KRCC1: variants seen among roughly 807,000 people sequenced by gnomAD.
The protein encoded by KRCC1 is lysine-rich coiled-coil protein 1.
KRCC1 carries 3 observed loss-of-function variants against 7.4 expected under a neutral mutation model. The observed-to-expected ratio is 0.40, with a 90% CI of 0.18 to 1.04. The LOEUF is 1.04. Among genes scored for constraint, KRCC1 ranks in the 50% least tolerant of loss-of-function variants. The pLI is 0.33. For synonymous variants in KRCC1, 102 were observed against 101.6 expected (o/e 1.00, Z -0.02); for missense variants, 277 against 300.9 (o/e 0.92, Z 0.59).
At chr2:88,041,475 C>T (rs1673209338) in intron 1 of KRCC1, among the ~76,000 whole-genome samples, 1 of 152,188 alleles carries the variant, frequency 6.6e-6, no homozygotes, top group Non-Finnish European at 1.5e-5. Flanking sequence ...CTTTCCTGTT[C>T]CATTCTTCTA....
chr2:88,047,903 T>G (rs774438165), intron 1 of KRCC1, among the ~76,000 whole-genome samples: 1 of 152,204 alleles, frequency 6.6e-6, no homozygotes, highest in Non-Finnish European at 1.5e-5. Flanking sequence ...AAAATTAGGA[T>G]GCTAATTTGG....
chr2:88,052,775 G>A (rs1194263720), intron 1 of KRCC1, among the ~76,000 whole-genome samples: 2 of 152,154 alleles, frequency 1.3e-5, no homozygotes, highest in Non-Finnish European at 2.9e-5. Context: ...CATGCATGTT[G>A]TGACTGTTAG....
At chr2:88,033,521 G>A (rs542150658) in intron 3 of KRCC1, among the ~76,000 whole-genome samples, 6 of 151,702 alleles carry the variant, frequency 4.0e-5, no homozygotes, top group African/African-American at 7.2e-5. Flanking sequence ...GAGAGACTCC[G>A]TCTCAAAAAA....
intron 1 of KRCC1, among the ~76,000 whole-genome samples, chr2:88,048,686 G>C (rs1473810612): frequency 1.3e-5 from 2 of 152,174 alleles, no homozygotes; most frequent in Non-Finnish European, 2.9e-5. Flanking sequence ...TTTCTTGCCT[G>C]AATGTACTGG....
At chr2:88,036,619 AT>A (rs1294047058) in intron 2 of KRCC1, among the ~76,000 whole-genome samples, 7 of 152,130 alleles carry the variant, frequency 4.6e-5, no homozygotes, top group African/African-American at 1.7e-4. Flanking sequence ...GATCTATAAT[AT>A]CTCTTGACTT....
At chr2:88,036,800 C>T (rs1329027967) in intron 2 of KRCC1, 143 bp downstream of exon 2, 1 of 152,142 alleles carries the variant, frequency 6.6e-6, no homozygotes, top group African/African-American at 2.4e-5. Context: ...AAATGTAAGT[C>T]AGGAAGTTAT....
intron 1 of KRCC1, among the ~76,000 whole-genome samples, chr2:88,046,740 G>A (rs1311701253): frequency 2.0e-5 from 3 of 152,236 alleles, no homozygotes; most frequent in East Asian, 1.9e-4. Flanking sequence ...GTGCAATCTC[G>A]ACTCACAGCA....
At chr2:88,045,034 CTTT>C (rs879808566) in intron 1 of KRCC1, among the ~76,000 whole-genome samples, 2 of 144,512 alleles carry the variant, frequency 1.4e-5, no homozygotes, top group Admixed American at 6.9e-5. Context: ...ATTTTTTGTA[CTTT>C]TTTTTTTTGT....
intron 1 of KRCC1, among the ~76,000 whole-genome samples, chr2:88,050,640 T>C (rs1673455276): frequency 6.6e-6 from 1 of 152,010 alleles, no homozygotes; most frequent in Non-Finnish European, 1.5e-5. Context: ...AAATAAAAAA[T>C]AAAAACAGGT....
chr2:88,042,927 G>A (rs1396362616), intron 1 of KRCC1, among the ~76,000 whole-genome samples: 1 of 151,978 alleles, frequency 6.6e-6, no homozygotes. Flanking sequence ...GCAATCTATG[G>A]GTTTAATTAG....
chr2:88,051,009 G>A (rs1020585063), intron 1 of KRCC1, among the ~76,000 whole-genome samples: 6 of 148,884 alleles, frequency 4.0e-5, no homozygotes, highest in Non-Finnish European at 8.9e-5. Flanking sequence ...CCGTAGCCTC[G>A]ACCTCCTGGA....
chr2:88,031,019 A>G (rs985929136), intron 3 of KRCC1, among the ~76,000 whole-genome samples: 1 of 152,196 alleles, frequency 6.6e-6, no homozygotes, highest in Admixed American at 6.5e-5. Flanking sequence ...TGTACAGTAC[A>G]TAAGATTTGA....
intron 3 of KRCC1, among the ~76,000 whole-genome samples, chr2:88,030,611 G>C (rs1367748500): frequency 1.3e-5 from 2 of 152,134 alleles, no homozygotes; most frequent in Non-Finnish European, 2.9e-5. Flanking sequence ...ATACCACTAT[G>C]CACTTACCAG....
intron 1 of KRCC1, among the ~76,000 whole-genome samples, chr2:88,050,851 TCTTTGG>T (rs1290499968): frequency 1.3e-5 from 2 of 152,164 alleles, no homozygotes; most frequent in Non-Finnish European, 2.9e-5. Context: ...ACATGGTGTT[TCTTTGG>T]ATTTTTGTGA....
chr2:88,041,110 G>A (rs1258014182), intron 1 of KRCC1, among the ~76,000 whole-genome samples: 1 of 152,176 alleles, frequency 6.6e-6, no homozygotes, highest in Non-Finnish European at 1.5e-5. Context: ...TTAGGTAGCT[G>A]TTGCAGGCAA....
rs1397355727 is a variant in KRCC1 at position 88,028,206 on chromosome 2, A to T, written c.358T>A (p.Phe120Ile). 1 of 1,614,104 alleles carries T rather than the reference A, an allele frequency of 6.2e-7. No homozygotes were observed. The highest frequency in any genetic ancestry group is 8.5e-7 in the Non-Finnish European group (1 of 1,180,046). Residue 120 changes from phenylalanine to isoleucine, a missense_variant, in exon 4 of 4, where the codon TTT (phenylalanine) becomes ATT (isoleucine). By Grantham distance (21) the Phe-to-Ile change is conservative (BLOSUM62 0). Transcript: ENST00000347055. ...CFSEKPVPLNFNQQEYICGSH... is the reference protein window; with the variant it reads ...CFSEKPVPLNINQQEYICGSH... ...CCACAAATATATTCTTGTTGATTAA[A>T]GTTCAGGGGTACTGGTTTTTCTGAG...
At chr2:88,030,243 A>G (rs1436507415) in intron 3 of KRCC1, among the ~76,000 whole-genome samples, 1 of 148,806 alleles carries the variant, frequency 6.7e-6, no homozygotes, top group Non-Finnish European at 1.5e-5. Flanking sequence ...CTCAGAAACA[A>G]GGCTTGTTTC....
chr2:88,039,694 T>C (rs549631651), intron 1 of KRCC1, among the ~76,000 whole-genome samples: 1 of 151,508 alleles, frequency 6.6e-6, no homozygotes, highest in South Asian at 2.1e-4. Context: ...TCAGAAAATA[T>C]ATATATATTA....
intron 1 of KRCC1, among the ~76,000 whole-genome samples, chr2:88,046,846 A>T (rs547536470): frequency 6.6e-6 from 1 of 151,208 alleles, no homozygotes; most frequent in East Asian, 2.0e-4. Flanking sequence ...TATTTTTTAT[A>T]TTTTTTTTGC....
Sources: allele counts gnomAD v4.1 joint callset (sites outside exome capture counted in the v4.1 genomes callset), GRCh38; gene constraint gnomAD v4.1.1; transcripts MANE v1.5; gene names NCBI Gene and HGNC (gene_info 2026-07-23, HGNC 2026-07-21).